SULF1: variants seen among roughly 807,000 people sequenced by gnomAD.
SULF1 encodes the protein extracellular sulfatase Sulf-1.
SULF1 carries 46 observed loss-of-function variants against 110.5 expected under a neutral mutation model. That is an observed-to-expected ratio of 0.42 (90% CI 0.33 to 0.53). The LOEUF (loss-of-function observed/expected upper bound fraction) is 0.53, where lower values mean the gene tolerates loss of function less well. Ranked by LOEUF, SULF1 falls within the 20% of genes least tolerant of loss-of-function variation. The pLI is 0.12. For synonymous variants in SULF1, 371 were observed against 387.1 expected, an observed-to-expected ratio of 0.96 and a Z score of 0.49; for missense variants, 941 against 1,094.2, an observed-to-expected ratio of 0.86 and a Z score of 1.98.
intron 10 of SULF1, 139 bp from the exon 11 acceptor site, chr8:69,603,053 C>A: frequency 8.2e-7 from 1 of 1,218,696 alleles, no homozygotes; most frequent in Non-Finnish European, 1.2e-6. Flanking sequence ...CCTTGCCACA[C>A]AACTACCCAT....
At chr8:69,525,396 T>A (rs1428803738) in intron 3 of SULF1, among the ~76,000 whole-genome samples, 1 of 152,162 alleles carries the variant, frequency 6.6e-6, no homozygotes, top group Non-Finnish European at 1.5e-5. Context: ...GTAAGTTTCC[T>A]TTTCGTGTTT....
intron 3 of SULF1, among the ~76,000 whole-genome samples, chr8:69,552,127 A>C (rs1338674122): frequency 6.6e-6 from 1 of 152,192 alleles, no homozygotes; most frequent in Non-Finnish European, 1.5e-5. Flanking sequence ...CTCATCCCAG[A>C]ATCAAAAATG....
intron 6 of SULF1, among the ~76,000 whole-genome samples, chr8:69,579,093 G>A (rs1805862675): frequency 6.7e-6 from 1 of 149,480 alleles, no homozygotes; most frequent in Admixed American, 6.6e-5. Flanking sequence ...CCTGGGAGGC[G>A]GAGCTTCCAG....
chr8:69,468,998 G>C (rs185791163), intron 1 of SULF1, among the ~76,000 whole-genome samples: 1 of 152,290 alleles, frequency 6.6e-6, no homozygotes, highest in Admixed American at 6.5e-5. Flanking sequence ...GGATTAGGCA[G>C]GATAGAAACA....
Position 69,629,688 on chromosome 8 carries a change from C to T in SULF1, c.2284+9C>T, listed in dbSNP as rs1810369411. The T allele has an allele frequency of 6.3e-7, 1 of 1,589,010 alleles. No individual in the cohort carries two copies. The highest frequency in any genetic ancestry group is 1.4e-5 in the African/African-American group (1 of 74,000). ...AGCCCCGTTCTGGAACCGTAAGTTGCTTGTTCCAAATGCCACTTCCTGCCG... is the reference window on the plus strand; with the variant it reads ...AGCCCCGTTCTGGAACCGTAAGTTGTTTGTTCCAAATGCCACTTCCTGCCG... On this transcript the variant is annotated intron_variant, in intron 19 of 22. Coordinates refer to ENST00000402687, the MANE Select transcript of SULF1 (RefSeq NM_001128205.2).
At chr8:69,596,083 A>T (rs1381465243) in intron 8 of SULF1, among the ~76,000 whole-genome samples, 3 of 152,248 alleles carry the variant, frequency 2.0e-5, no homozygotes, top group Non-Finnish European at 4.4e-5. Flanking sequence ...TCCATGATCC[A>T]GCGCACTGAG....
At chr8:69,619,880 C>G (rs929643012) in intron 13 of SULF1, among the ~76,000 whole-genome samples, 1 of 152,186 alleles carries the variant, frequency 6.6e-6, no homozygotes, top group African/African-American at 2.4e-5. Flanking sequence ...CCCAGTGTTA[C>G]AATGCTCTTT....
At chr8:69,506,727 CATA>C (rs910647040) in intron 3 of SULF1, among the ~76,000 whole-genome samples, 28 of 152,162 alleles carry the variant, frequency 1.8e-4, no homozygotes, top group African/African-American at 4.6e-4. Flanking sequence ...TTGCTCTTGC[CATA>C]ATGATACATT....
At chr8:69,609,416 G>A (rs780758917) in intron 13 of SULF1, among the ~76,000 whole-genome samples, 3 of 152,164 alleles carry the variant, frequency 2.0e-5, no homozygotes, top group Non-Finnish European at 2.9e-5. Context: ...AAATGCTGAT[G>A]CACCCCCCAG....
At chr8:69,590,417 G>A (rs1755488682) in intron 8 of SULF1, among the ~76,000 whole-genome samples, 1 of 152,074 alleles carries the variant, frequency 6.6e-6, no homozygotes, top group East Asian at 1.9e-4. Context: ...CACCCACCTC[G>A]GCCTCCCAAA....
intron 3 of SULF1, among the ~76,000 whole-genome samples, chr8:69,558,869 A>G (rs1276484087): frequency 6.6e-6 from 1 of 152,178 alleles, no homozygotes; most frequent in Non-Finnish European, 1.5e-5. Flanking sequence ...ATTTTCAAAT[A>G]TTTGATTCTT....
At chr8:69,501,646 C>T (rs563451690) in intron 2 of SULF1, among the ~76,000 whole-genome samples, 1 of 152,304 alleles carries the variant, frequency 6.6e-6, no homozygotes, top group East Asian at 1.9e-4. Flanking sequence ...AAGTCTTTTC[C>T]TTGTTGGAGA....
chr8:69,522,335 G>A (rs568235733), intron 3 of SULF1, among the ~76,000 whole-genome samples: 117 of 152,198 alleles, frequency 7.7e-4, no homozygotes, highest in African/African-American at 2.5e-3. Context: ...ATGAGCCACC[G>A]TGCTCAGCCA....
At chr8:69,554,625 A>G (rs1814953435) in intron 3 of SULF1, among the ~76,000 whole-genome samples, 1 of 152,026 alleles carries the variant, frequency 6.6e-6, no homozygotes, top group African/African-American at 2.4e-5. Context: ...GGTTTTAGAA[A>G]TCTCCTGTTG....
At chr8:69,536,439 A>G (rs1012898880) in intron 3 of SULF1, among the ~76,000 whole-genome samples, 3 of 152,180 alleles carry the variant, frequency 2.0e-5, no homozygotes, top group African/African-American at 7.2e-5. Context: ...AAAATAGCTG[A>G]TATCTTACCA....
At chr8:69,477,740 G>A (rs1167967124) in intron 1 of SULF1, among the ~76,000 whole-genome samples, 2 of 152,166 alleles carry the variant, frequency 1.3e-5, no homozygotes, top group Non-Finnish European at 2.9e-5. Context: ...GATTTCAGGA[G>A]CATGCCATCA....
chr8:69,647,511 G>C (rs1812010965), intron 22 of SULF1, among the ~76,000 whole-genome samples: 1 of 152,088 alleles, frequency 6.6e-6, no homozygotes. Context: ...ATAAAATTAT[G>C]TAGGTTAGAA....
In SULF1 at chr8:69,613,657, A is replaced by G. The variant is rs538958829; in HGVS notation, c.1378-7378A>G. 6.6e-5 allele frequency among the ~76,000 whole-genome samples: 10 copies of G among 152,326 alleles called. No individual in the cohort carries two copies. In the South Asian group the frequency reaches 2.1e-3, roughly 32 times the overall value. On this transcript the variant is annotated intron_variant, in intron 13 of 22. Transcript: ENST00000402687. ...CACAGCTAGAAGAATGACAAACCTG[A>G]GTTCAAACCAAGATCTGGGTGACTC... is the stretch of plus-strand genomic sequence containing the variant.
intron 17 of SULF1, 145 bp downstream of exon 17, chr8:69,628,011 A>C: frequency 3.4e-6 from 3 of 877,384 alleles, no homozygotes; most frequent in Non-Finnish European, 5.5e-6. Flanking sequence ...GTAAAACTAA[A>C]TATGCTTAAA....
Sources: gnomAD v4.1 joint callset for allele counts (sites outside exome capture counted in the v4.1 genomes callset) on GRCh38, gnomAD v4.1.1 for gene constraint, MANE v1.5 for transcripts, NCBI Gene and HGNC (gene_info 2026-07-23, HGNC 2026-07-21) for gene names.